SPEN: variants seen among roughly 807,000 people sequenced by gnomAD.
SPEN encodes msx2-interacting protein.
SPEN carries 18 observed loss-of-function variants against 269.9 expected under a neutral mutation model. The observed-to-expected ratio is 0.07, with a 90% CI of 0.05 to 0.10. SPEN has a LOEUF of 0.10. Ranked by LOEUF, SPEN falls within the 10% of genes least tolerant of loss-of-function variation. The probability of loss-of-function intolerance (pLI) is 1.00; values close to 1 mark genes in which losing one functional copy is unlikely to be tolerated. For missense variants in SPEN, 3,822 were observed against 4,631.2 expected (o/e 0.83, Z 5.07); for synonymous variants, 1,726 against 1,765.7 (o/e 0.98, Z 0.56).
rs1247592878 is a variant in SPEN, at chr1:15,937,137, C to T, written c.10027-26C>T. 4 of 1,597,854 alleles carry T rather than the reference C, an allele frequency of 2.5e-6. No homozygotes were observed. In the South Asian group the frequency reaches 3.4e-5, roughly 13 times the overall value. On this transcript the variant is annotated intron_variant, in intron 11 of 14. Coordinates refer to ENST00000375759, the MANE Select transcript of SPEN (RefSeq NM_015001.3). The surrounding 1 kb of genome is among the most constrained non-coding windows in gnomAD (Gnocchi z 5.7). ...CTTGTGCACAACAGACTGACTCTGT[C>T]CCTTTGCCTTCCTTCCCTACACCAG...
Position 15,876,485 on chromosome 1 carries a change from G to A in SPEN, c.688G>A (p.Gly230Ser). The change falls in exon 3 of 15, where the codon GGC (glycine) becomes AGC (serine). Residue 230 changes from glycine (G) to serine (S), a missense_variant. By Grantham distance (56) the Gly-to-Ser change is moderately conservative (BLOSUM62 0). This residue lies in a region of SPEN where 327 missense variants were observed against 350.8 expected (regional missense o/e 0.93). Coordinates refer to ENST00000375759, the MANE Select transcript of SPEN (RefSeq NM_015001.3). Reference sequence around the variant, plus strand: ...GGATGATATTACCCGGGAGGTACGAGGCAGAAGGCCAGAGCGGAATTACCA... The same window carrying A: ...GGATGATATTACCCGGGAGGTACGAAGCAGAAGGCCAGAGCGGAATTACCA... The part of the protein sequence containing the change: ...YRDDITREVR[G>S]RRPERNYQHS... 1 of 1,614,132 alleles carries A rather than the reference G, an allele frequency of 6.2e-7. No homozygotes were observed. The highest frequency in any genetic ancestry group is 8.5e-7 in the Non-Finnish European group (1 of 1,180,026).
Position 15,933,846 on chromosome 1 carries a change from A to G in SPEN, c.7606A>G (p.Lys2536Glu), listed in dbSNP as rs1234252608. ...DVDTSSSTLR[K>E]ILMDPKYVSA... ...TGACACCAGCTCCAGCACCCTGAGG[A>G]AGATTCTCATGGACCCCAAGTATGT... Residue 2536 changes from lysine (K) to glutamate (E), a missense_variant, in exon 11 of 15, where the codon AAG becomes GAG. This residue lies in a region of SPEN where 727 missense variants were observed against 737.9 expected (regional missense o/e 0.99). Coordinates refer to ENST00000375759, the MANE Select transcript of SPEN (RefSeq NM_015001.3). This position sits in a 1 kb window ranked among gnomAD's most constrained non-coding sequence, Gnocchi z 5.7. The G allele has an allele frequency of 6.2e-7, 1 of 1,613,526 alleles. No individual in the cohort carries two copies. The highest frequency in any genetic ancestry group is 1.1e-5 in the South Asian group (1 of 91,086).
At chr1:15,869,448 A>G (rs2070551011) in intron 1 of SPEN, among the ~76,000 whole-genome samples, 3 of 152,338 alleles carry the variant, frequency 2.0e-5, no homozygotes, top group Middle Eastern at 3.4e-3. Context: ...ATAAGTATTA[A>G]TGTTACTACA....
At chr1:15,906,145 T>A (rs181750532) in intron 3 of SPEN, among the ~76,000 whole-genome samples, 1 of 152,330 alleles carries the variant, frequency 6.6e-6, no homozygotes. Context: ...TTTCCTTCTG[T>A]GCTAAAAACA....
intron 1 of SPEN, among the ~76,000 whole-genome samples, chr1:15,854,037 G>C (rs1004253146): frequency 2.0e-5 from 3 of 152,118 alleles, no homozygotes; most frequent in Non-Finnish European, 4.4e-5. Context: ...CTGACCTCGA[G>C]TGATCTGCCT....
chr1:15,928,050 G>GA lies in SPEN; in HGVS notation c.1851-40dup. 2.6e-6 allele frequency: 4 copies of GA among 1,514,670 alleles called. No individual in the cohort carries two copies. The highest frequency in any genetic ancestry group is 3.6e-6 in the Non-Finnish European group (4 of 1,120,014). The allele number at this position is 1,514,670 out of a possible 1,614,324, so 93.8% of individuals were successfully genotyped here. The stretch of plus-strand genomic sequence containing the variant: ...ATGTATGATTTTATGCATAAGTGAT[G>GA]AGGAAACAAAAGAACTAATATCTTT... On this transcript the variant is annotated intron_variant, in intron 10 of 14. Transcript: ENST00000375759. This position sits in a 1 kb window ranked among gnomAD's most constrained non-coding sequence, Gnocchi z 5.7.
At chr1:15,884,533 TTC>T (rs925973472) in intron 3 of SPEN, among the ~76,000 whole-genome samples, 15 of 152,042 alleles carry the variant, frequency 9.9e-5, no homozygotes, top group Non-Finnish European at 1.6e-4. Flanking sequence ...TACCTTCCAT[TTC>T]TCTCTCTCTT....
chr1:15,851,895 A>G (rs573779343), intron 1 of SPEN, among the ~76,000 whole-genome samples: 76 of 152,262 alleles, frequency 5.0e-4, no homozygotes, highest in African/African-American at 1.8e-3. Context: ...AGGCAGGGGA[A>G]TTGCTTGAAC....
rs562238410 is a variant in SPEN at position 15,857,359 on chromosome 1, C to G, written c.83+9209C>G. On this transcript the variant is annotated intron_variant, in intron 1 of 14. Transcript: ENST00000375759. ...GGATTACAGGTGTGAGCCACTGCAC[C>G]CAGCCTTTTTTTTTTGAGACGGAGT... Among the ~76,000 whole-genome samples, 10 of 151,708 alleles carry G rather than the reference C, an allele frequency of 6.6e-5. No homozygotes were observed. The East Asian group carries it at 1.9e-3, about 29-fold the overall frequency.
Position 15,935,927 on chromosome 1 carries a change from A to G in SPEN, c.9687A>G (p.Pro3229=). 1.1e-5 allele frequency: 17 copies of G among 1,611,882 alleles called. No individual in the cohort carries two copies. Among genetic ancestry groups the G allele is most frequent in the Non-Finnish European group, 1.4e-5 (17 of 1,179,782 alleles). Residue 3229 remains proline (P), a synonymous_variant, in exon 11 of 15, where the codon CCA becomes CCG. Transcript: ENST00000375759. This position sits in a 1 kb window ranked among gnomAD's most constrained non-coding sequence, Gnocchi z 7.7. Reference sequence around the variant, plus strand: ...CAGCCAGCAAGGCCCCTCAGCAGCCAGGGAAGGAAGCTGCCAAGACACCAG... The same window carrying G: ...CAGCCAGCAAGGCCCCTCAGCAGCCGGGGAAGGAAGCTGCCAAGACACCAG... The part of the protein sequence containing the change: ...VPPASKAPQQ[P]GKEAAKTPDA...
At chr1:15,852,666 T>A (rs776631622) in intron 1 of SPEN, among the ~76,000 whole-genome samples, 34 of 152,262 alleles carry the variant, frequency 2.2e-4, no homozygotes, top group Admixed American at 4.6e-4. Flanking sequence ...TGTGGTATAC[T>A]TATGAAGAGG....
Position 15,876,393 on chromosome 1 carries a change from C to G in SPEN, c.596C>G (p.Pro199Arg). 1.2e-6 allele frequency: 2 copies of G among 1,614,026 alleles called. No homozygotes were observed. The highest frequency in any genetic ancestry group is 1.7e-6 in the Non-Finnish European group (2 of 1,180,008). Residue 199 changes from proline (P) to arginine (R), a missense_variant, in exon 3 of 15, where the codon CCC becomes CGC. Around this residue, in one of 16 missense-constraint regions of SPEN, gnomAD observed 327 missense variants for 350.8 expected, o/e 0.93. Coordinates refer to ENST00000375759, the MANE Select transcript of SPEN (RefSeq NM_015001.3). Reference sequence around the variant, plus strand: ...CCAAATCGCTTTGATGCTCATGACCCCCGATATGAACCTAGGGCTCGCGAG... The same window carrying G: ...CCAAATCGCTTTGATGCTCATGACCGCCGATATGAACCTAGGGCTCGCGAG... ...RSPNRFDAHD[P>R]RYEPRAREQF... is the part of the protein sequence containing the mutation.
chr1:15,936,804 A>G (rs1481976327), intron 11 of SPEN, among the ~76,000 whole-genome samples: 1 of 152,186 alleles, frequency 6.6e-6, no homozygotes, highest in Admixed American at 6.5e-5. Flanking sequence ...CTTTTGGTAA[A>G]GATAGTGGTT....
chr1:15,901,997 C>T (rs372186127), intron 3 of SPEN, among the ~76,000 whole-genome samples: 20 of 130,864 alleles, frequency 1.5e-4, no homozygotes, highest in South Asian at 7.3e-4. Flanking sequence ...GGCATGATTT[C>T]GGCTCGCTGC....
intron 9 of SPEN, among the ~76,000 whole-genome samples, chr1:15,921,294 C>A (rs1347029546): frequency 6.6e-6 from 1 of 152,196 alleles, no homozygotes; most frequent in Non-Finnish European, 1.5e-5. Context: ...CATGCCGTTG[C>A]ACTCCAGCCT....
In SPEN at chr1:15,933,097, T is replaced by G; in HGVS notation, c.6857T>G (p.Val2286Gly). Residue 2286 changes from valine (V) to glycine (G), a missense_variant, in exon 11 of 15, where the codon GTC becomes GGC. Transcript: ENST00000375759. The surrounding 1 kb of genome is among the most constrained non-coding windows in gnomAD (Gnocchi z 5.7). ...GCTACAGAATCTTCTAGGCCTCCAG[T>G]CAATGCTCCTGACCCCTCAGCCGGC... ...EAATESSRPP[V>G]NAPDPSAGPT... 1 of 1,614,088 alleles carries G rather than the reference T, an allele frequency of 6.2e-7. No homozygotes were observed. Among genetic ancestry groups the G allele is most frequent in the Non-Finnish European group, 8.5e-7 (1 of 1,179,998 alleles).
chr1:15,925,193 G>T (rs997769594), intron 10 of SPEN, among the ~76,000 whole-genome samples: 6 of 152,150 alleles, frequency 3.9e-5, no homozygotes, highest in African/African-American at 1.4e-4. Context: ...CCACTAAGGG[G>T]CTGGGCTGGG....
intron 2 of SPEN, chr1:15,874,503 G>C: frequency 1.2e-6 from 1 of 816,694 alleles, no homozygotes. Context: ...GTGAATCAGA[G>C]AATAGCCATT....
chr1:15,849,389 T>G (rs976182880), intron 1 of SPEN, among the ~76,000 whole-genome samples: 3 of 152,244 alleles, frequency 2.0e-5, no homozygotes, highest in African/African-American at 7.2e-5. Context: ...GCGGCGGAGC[T>G]CCTGTCTTTT....
Sources: allele counts gnomAD v4.1 joint callset (sites outside exome capture counted in the v4.1 genomes callset), GRCh38; gene constraint gnomAD v4.1.1; regional missense constraint gnomAD v4.1.1; non-coding constraint Gnocchi (gnomAD v3.1); transcripts MANE v1.5; gene names NCBI Gene and HGNC (gene_info 2026-07-23, HGNC 2026-07-21).